VCAN: variants seen among roughly 807,000 people sequenced by gnomAD.
VCAN encodes versican core protein.
VCAN carries 44 observed loss-of-function variants against 245.5 expected under a neutral mutation model. The ratio of observed to expected loss-of-function variants is 0.18; its 90% CI spans 0.14 to 0.23. The LOEUF is 0.23. VCAN is among the 10% of genes least tolerant of loss of function. The pLI is 1.00. For missense variants in VCAN, 3,793 were observed against 4,057.9 expected (o/e 0.93, Z 1.77); for synonymous variants, 1,413 against 1,437.0 (o/e 0.98, Z 0.38).
At position 83,493,817 on chromosome 5, in the gene VCAN, G is replaced by A. The variant is rs776097320; in HGVS notation, c.634G>A (p.Ala212Thr). ...ADQTVRYPIR[A>T]PRVGCYGDKM... ...TTATTTCCCCAGATATCCCATCCGG[G>A]CTCCCAGAGTAGGCTGTTATGGAGA... The change falls in exon 5 of 15, where the codon GCT becomes ACT. Residue 212 changes from alanine to threonine, a missense_variant. Coordinates refer to ENST00000265077, the MANE Select transcript of VCAN (RefSeq NM_004385.5). 1.4e-5 allele frequency: 22 copies of A among 1,614,024 alleles called. No individual in the cohort carries two copies. Among genetic ancestry groups the A allele is most frequent in the Non-Finnish European group, 1.7e-5 (20 of 1,180,014 alleles).
At chr5:83,534,410 G>T (rs189113044) in intron 7 of VCAN, among the ~76,000 whole-genome samples, 58 of 152,092 alleles carry the variant, frequency 3.8e-4, no homozygotes, top group African/African-American at 1.4e-3. Context: ...ATTTACAAAA[G>T]GGTACAAAAT....
At chr5:83,493,407 C>A in intron 3 of VCAN, 139 bp from the exon 4 acceptor site, 1 of 1,162,624 alleles carries the variant, frequency 8.6e-7, no homozygotes, top group Non-Finnish European at 1.2e-6. Context: ...CATAATGCTG[C>A]ATGAAGTAAA....
chr5:83,565,002 T>A (rs960836920), intron 12 of VCAN, among the ~76,000 whole-genome samples: 5 of 152,106 alleles, frequency 3.3e-5, no homozygotes, highest in Non-Finnish European at 5.9e-5. Context: ...AAATTATAGA[T>A]AATATATGGA....
chr5:83,565,785 G>T (rs867524212), intron 12 of VCAN, among the ~76,000 whole-genome samples: 1 of 152,032 alleles, frequency 6.6e-6, no homozygotes, highest in Non-Finnish European at 1.5e-5. Context: ...TATGTGATGT[G>T]CAGGGATCAG....
intron 5 of VCAN, among the ~76,000 whole-genome samples, chr5:83,507,441 G>T (rs1418541039): frequency 1.3e-5 from 2 of 152,222 alleles, no homozygotes; most frequent in African/African-American, 2.4e-5. Context: ...TAAAAACTCA[G>T]AAAGAACTTT....
At chr5:83,481,863 T>C (rs1020470443) in intron 1 of VCAN, among the ~76,000 whole-genome samples, 1 of 152,184 alleles carries the variant, frequency 6.6e-6, no homozygotes, top group Non-Finnish European at 1.5e-5. Context: ...GCTGTACAAC[T>C]CCAAGCCCTA....
Position 83,540,701 on chromosome 5 carries a change from T to G in VCAN, c.7698T>G (p.Ile2566Met). ...TTACAGAGAGTACCATCCTTGAAAT[T>G]CTACCTGAGCTGACATCGGATAAAA... Reference protein sequence around the residue: ...LTITESTILEILPELTSDKNT... With the variant: ...LTITESTILEMLPELTSDKNT... The change falls in exon 8 of 15, where the codon ATT becomes ATG. Residue 2566 changes from isoleucine (I) to methionine (M), a missense_variant. Physicochemically the swap from Ile to Met is conservative, Grantham distance 10. Around this residue, in one of 5 missense-constraint regions of VCAN, gnomAD observed 3,182 missense variants for 3,250.3 expected, o/e 0.98. Coordinates refer to ENST00000265077, the MANE Select transcript of VCAN (RefSeq NM_004385.5). 2 of 1,614,020 alleles carry G rather than the reference T, an allele frequency of 1.2e-6. No individual in the cohort carries two copies. The highest frequency in any genetic ancestry group is 1.7e-6 in the Non-Finnish European group (2 of 1,179,966).
At chr5:83,479,536 A>G (rs1057279438) in intron 1 of VCAN, among the ~76,000 whole-genome samples, 1 of 152,092 alleles carries the variant, frequency 6.6e-6, no homozygotes, top group Admixed American at 6.5e-5. Flanking sequence ...AAATATAGGC[A>G]TTCACTCTCA....
chr5:83,525,791 GATTA>G (rs1746272986), intron 7 of VCAN, among the ~76,000 whole-genome samples: 1 of 152,086 alleles, frequency 6.6e-6, no homozygotes, highest in South Asian at 2.1e-4. Flanking sequence ...TGCTATTAAA[GATTA>G]ATTACATTTT....
intron 5 of VCAN, among the ~76,000 whole-genome samples, chr5:83,507,982 G>A (rs1009614732): frequency 1.3e-5 from 2 of 152,132 alleles, no homozygotes; most frequent in Non-Finnish European, 2.9e-5. Flanking sequence ...TCTGGAGAAA[G>A]CCTGTTGCTA....
chr5:83,550,756 G>A (rs1431296334), intron 10 of VCAN, among the ~76,000 whole-genome samples: 1 of 151,726 alleles, frequency 6.6e-6, no homozygotes, highest in African/African-American at 2.4e-5. Context: ...GTGTGGTGGC[G>A]GGTGCCTGTA....
intron 1 of VCAN, among the ~76,000 whole-genome samples, chr5:83,472,469 C>T (rs1437094350): frequency 3.3e-5 from 5 of 152,138 alleles, no homozygotes; most frequent in Admixed American, 3.3e-4. Context: ...GACAAGTCCC[C>T]GAAGCCGCCT....
intron 7 of VCAN, among the ~76,000 whole-genome samples, chr5:83,527,438 C>A (rs922774095): frequency 6.6e-6 from 1 of 152,224 alleles, no homozygotes; most frequent in Admixed American, 6.5e-5. Context: ...CTTCCCCCAT[C>A]TCTCACGGAC....
Position 83,493,853 on chromosome 5 carries a change from A to G in VCAN, c.670A>G (p.Lys224Glu). ...RVGCYGDKMG[K>E]AGVRTYGFRS... Reference sequence around the variant, plus strand: ...AGGCTGTTATGGAGATAAGATGGGAAAGGCAGGAGTCAGGACTTATGGATT... The same window carrying G: ...AGGCTGTTATGGAGATAAGATGGGAGAGGCAGGAGTCAGGACTTATGGATT... Residue 224 changes from lysine (K) to glutamate (E), a missense_variant, in exon 5 of 15, where the codon AAG becomes GAG. Coordinates refer to ENST00000265077, the MANE Select transcript of VCAN (RefSeq NM_004385.5). The G allele has an allele frequency of 1.9e-6, 3 of 1,614,168 alleles. No homozygotes were observed. The highest frequency in any genetic ancestry group is 2.5e-6 in the Non-Finnish European group (3 of 1,180,000).
chr5:83,552,480 A>G (rs887721352), intron 10 of VCAN, among the ~76,000 whole-genome samples: 17 of 152,202 alleles, frequency 1.1e-4, no homozygotes, highest in African/African-American at 3.9e-4. Flanking sequence ...AAGATTGCCA[A>G]TGAAGAATAC....
chr5:83,487,620 A>T (rs1233233458), intron 2 of VCAN, among the ~76,000 whole-genome samples: 1 of 152,234 alleles, frequency 6.6e-6, no homozygotes, highest in South Asian at 2.1e-4. Context: ...AGATTTGACC[A>T]CACAGCTTTT....
At position 83,520,271 on chromosome 5, in the gene VCAN, G is replaced by A. The variant is rs752233120; in HGVS notation, c.1965G>A (p.Leu655=). Residue 655 remains leucine, a synonymous_variant, in exon 7 of 15, where the codon TTG becomes TTA. Coordinates refer to ENST00000265077, the MANE Select transcript of VCAN (RefSeq NM_004385.5). ...FPSQHRTEIE[L]FPYSGDKILV... ...CACAGCATCGTACAGAAATAGAATTGTTTCCTTATTCTGGTGATAAAATAT... is the reference window on the plus strand; with the variant it reads ...CACAGCATCGTACAGAAATAGAATTATTTCCTTATTCTGGTGATAAAATAT... 6.2e-7 allele frequency: 1 copy of A among 1,613,890 alleles called. No individual in the cohort carries two copies. Among genetic ancestry groups the A allele is most frequent in the South Asian group, 1.1e-5 (1 of 91,078 alleles).
rs376380721 is a variant in VCAN, at chr5:83,538,243, C to T, written c.5240C>T (p.Ser1747Leu). The change falls in exon 8 of 15, where the codon TCG becomes TTG. Residue 1747 changes from serine to leucine, a missense_variant. By Grantham distance (145) the Ser-to-Leu change is moderately radical. Transcript: ENST00000265077. ...GAGGTATATTCATCTACACAGAGAT[C>T]GGATCAATTAATTTTACCCTTTGAA... ...TFEVYSSTQRSDQLILPFELE... is the reference protein window; with the variant it reads ...TFEVYSSTQRLDQLILPFELE... The T allele has an allele frequency of 4.5e-5, 72 of 1,613,888 alleles. 2 individuals carry two copies. Among genetic ancestry groups the T allele is most frequent in the Admixed American group, 2.2e-4 (13 of 59,978 alleles).
At chr5:83,499,178 T>C (rs1195946776) in intron 5 of VCAN, among the ~76,000 whole-genome samples, 1 of 152,126 alleles carries the variant, frequency 6.6e-6, no homozygotes, top group African/African-American at 2.4e-5. Context: ...CTGAAATTTC[T>C]TGACTCTGAA....
Sources: gnomAD v4.1 joint callset for allele counts (sites outside exome capture counted in the v4.1 genomes callset) on GRCh38, gnomAD v4.1.1 for gene constraint, gnomAD v4.1.1 regional missense constraint, MANE v1.5 for transcripts, NCBI Gene and HGNC (gene_info 2026-07-23, HGNC 2026-07-21) for gene names.